CEACAM1: variants seen among roughly 807,000 people sequenced by gnomAD.
CEACAM1 encodes cell adhesion molecule CEACAM1.
Under a neutral mutation model 49.1 loss-of-function variants are expected in CEACAM1, and 31 were observed. The observed-to-expected ratio is 0.63, with a 90% confidence interval of 0.47 to 0.85. The LOEUF (loss-of-function observed/expected upper bound fraction) is 0.85. Ranked by LOEUF, CEACAM1 falls within the 40% of genes least tolerant of loss-of-function variation. CEACAM1 has a pLI of 0.00. For synonymous variants in CEACAM1, 244 were observed against 247.8 expected (o/e 0.98, Z 0.14); for missense variants, 570 against 645.3 (o/e 0.88, Z 1.26).
At chr19:42,511,355 C>T in intron 7 of CEACAM1, 2 of 596,696 alleles carry the variant, frequency 3.4e-6, no homozygotes, top group Admixed American at 6.0e-5. Context: ...TCAGGCCTGC[C>T]TGGCCTAGGC....
At chr19:42,527,996 T>A (rs2041938505) in intron 1 of CEACAM1, among the ~76,000 whole-genome samples, 1 of 152,206 alleles carries the variant, frequency 6.6e-6, no homozygotes, top group Non-Finnish European at 1.5e-5. Flanking sequence ...CAGGGCTCTG[T>A]TTAATGCCCC....
intron 5 of CEACAM1, among the ~76,000 whole-genome samples, chr19:42,516,000 A>G (rs1245991896): frequency 6.6e-6 from 1 of 152,226 alleles, no homozygotes; most frequent in African/African-American, 2.4e-5. Flanking sequence ...ATGCTAAAAA[A>G]CACTGAAACT....
chr19:42,510,988 A>G (rs1314487303), intron 7 of CEACAM1, 68 bp from the exon 8 acceptor site: 30 of 1,471,120 alleles, frequency 2.0e-5, no homozygotes, highest in Non-Finnish European at 2.8e-5. Context: ...ATTCTAGCTG[A>G]AGGAGGTGGC....
In CEACAM1 at chr19:42,510,948, T is replaced by A. The variant is rs762284761; in HGVS notation, c.1430-28A>T. 2.5e-6 allele frequency: 4 copies of A among 1,612,624 alleles called. No homozygotes were observed. In the South Asian group the frequency reaches 4.4e-5, roughly 18 times the overall value. The stretch of plus-strand genomic sequence containing the variant: ...GGAGAAGCAAAAGAAGAGTTAGCGA[T>A]CCATGGAAATGCAAAGCTGACTTCA... On this transcript the variant is annotated intron_variant, in intron 7 of 8. Transcript: ENST00000161559.
rs559808436 is a variant in CEACAM1 at position 42,508,778 on chromosome 19, T to G, written c.*331A>C. 17 of 270,154 alleles carry G rather than the reference T, an allele frequency of 6.3e-5. No individual in the cohort carries two copies. Among genetic ancestry groups the G allele is most frequent in the Non-Finnish European group, 1.1e-4 (15 of 140,530 alleles). The allele number at this position is 270,154 out of a possible 1,614,324, so 16.7% of individuals were successfully genotyped here. A position where few individuals can be genotyped will look rare whatever the true frequency, so the allele number is the denominator to read the frequency against. On this transcript the variant is annotated 3_prime_UTR_variant, in exon 9 of 9. Transcript: ENST00000161559. ...GGACAGGACTGGGGGTGGGAAGGAA[T>G]GAGTGCTCTGAACAGGCAAGTTTAA...
rs776254050 is a variant in CEACAM1, at chr19:42,519,151, C to A, written c.1043G>T (p.Cys348Phe). 2.5e-6 allele frequency: 4 copies of A among 1,614,200 alleles called. No individual in the cohort carries two copies. The highest frequency in any genetic ancestry group is 3.4e-6 in the Non-Finnish European group (4 of 1,180,034). The change falls in exon 5 of 9, where the codon TGC (cysteine) becomes TTC (phenylalanine). Residue 348 changes from cysteine (C) to phenylalanine (F), a missense_variant. Cys to Phe is a radical substitution (Grantham distance 205, BLOSUM62 -2). Transcript: ENST00000161559. ...GGAGATTCCAGTGTCATTTGTGGAG[C>A]AGGTCAGGTTCACAGAGTCCTTATC... Reference protein sequence around the residue: ...TGDKDSVNLTCSTNDTGISIR... With the variant: ...TGDKDSVNLTFSTNDTGISIR...
At chr19:42,511,113 C>T in intron 7 of CEACAM1, 193 bp from the exon 8 acceptor site, 2 of 616,072 alleles carry the variant, frequency 3.2e-6, no homozygotes, top group South Asian at 1.9e-5. Context: ...CCACAGGAGG[C>T]CACAATCCAC....
In CEACAM1 at chr19:42,521,355, A is replaced by G; in HGVS notation, c.870T>C (p.Thr290=). 1.9e-6 allele frequency: 3 copies of G among 1,614,130 alleles called. No individual in the cohort carries two copies. The highest frequency in any genetic ancestry group is 2.2e-5 in the East Asian group (1 of 44,884). ...AGGTATAGGATCCACTATTATTCAC[A>G]GTGATGTTAGGGATAAAGAGCTCTT... is the stretch of plus-strand genomic sequence containing the variant. ...STQELFIPNI[T]VNNSGSYTCH... is the part of the protein sequence containing the mutation. The change falls in exon 4 of 9, where the codon ACT becomes ACC. Residue 290 remains threonine (T), a synonymous_variant. Coordinates refer to ENST00000161559, the MANE Select transcript of CEACAM1 (RefSeq NM_001712.5).
intron 2 of CEACAM1, among the ~76,000 whole-genome samples, chr19:42,522,756 C>T (rs1032935635): frequency 6.6e-6 from 1 of 151,876 alleles, no homozygotes; most frequent in African/African-American, 2.4e-5. Flanking sequence ...AGGATGGTCA[C>T]TGTTAGCCAG....
chr19:42,516,879 C>CA (rs1199610196), intron 5 of CEACAM1: 10 of 416,832 alleles, frequency 2.4e-5, no homozygotes, highest in African/African-American at 6.5e-5. Flanking sequence ...CAAAGAAAAG[C>CA]AAAAAAACAA....
Position 42,511,408 on chromosome 19 carries a change from T to G in CEACAM1, c.1429+168A>C, listed in dbSNP as rs1248057190. On this transcript the variant is annotated intron_variant, in intron 7 of 8. Transcript: ENST00000161559. ...TCAGATGTGTCTCAGGGGACTCCTG[T>G]GGCTAGGAAGGGTGGGAAGACCTAT... 9.3e-6 allele frequency: 6 copies of G among 641,750 alleles called. No individual in the cohort carries two copies. In the Admixed American group the frequency reaches 1.6e-4, roughly 17 times the overall value. 39.8% of individuals were successfully genotyped at this position (641,750 alleles called of 1,614,324 possible). A position where few individuals can be genotyped will look rare whatever the true frequency, so the allele number is the denominator to read the frequency against.
At chr19:42,528,188 T>C (rs2041942044) in intron 1 of CEACAM1, 123 bp downstream of exon 1, 2 of 723,292 alleles carry the variant, frequency 2.8e-6, no homozygotes, top group Admixed American at 5.2e-5. Context: ...TTTCATGTCC[T>C]CTCTCCTATT....
At chr19:42,510,745 G>T in intron 8 of CEACAM1, 144 bp downstream of exon 8, 1 of 744,446 alleles carries the variant, frequency 1.3e-6, no homozygotes, top group East Asian at 2.5e-5. Flanking sequence ...GTAGACTCAT[G>T]GGAGTGATTA....
intron 5 of CEACAM1, among the ~76,000 whole-genome samples, chr19:42,517,268 A>T (rs932288805): frequency 2.0e-5 from 3 of 152,256 alleles, no homozygotes; most frequent in Admixed American, 6.5e-5. Flanking sequence ...GAATTTGGCA[A>T]TGATTTCTTG....
chr19:42,510,058 A>G (rs935217692), intron 8 of CEACAM1, among the ~76,000 whole-genome samples: 3 of 152,116 alleles, frequency 2.0e-5, no homozygotes, highest in African/African-American at 4.8e-5. Flanking sequence ...TTCAGTATGT[A>G]TGTTTGCTCT....
rs1173826664 is a variant in CEACAM1 at position 42,507,563 on chromosome 19, G to T, written c.*1546C>A. On this transcript the variant is annotated 3_prime_UTR_variant, in exon 9 of 9. Coordinates refer to ENST00000161559, the MANE Select transcript of CEACAM1 (RefSeq NM_001712.5). ...AATATAGAATAAAACCTTTCTCTTA[G>T]CCCCAAAGAGATTCCATCTGTGTAG... The T allele has an allele frequency of 6.6e-6, 1 of 152,162 alleles. No homozygotes were observed. The highest frequency in any genetic ancestry group is 1.5e-5 in the Non-Finnish European group (1 of 68,046). The allele number at this position is 152,162 out of a possible 1,614,324, so 9.4% of individuals were successfully genotyped here.
chr19:42,519,222 T>C lies in CEACAM1; in HGVS notation c.972A>G (p.Val324=). The stretch of plus-strand genomic sequence containing the variant: ...TGGCTTTGATTTGGGGCTTTGCTAC[T>C]ACTGGACTTAGCTCTGTGGACAAGC... ...KTIIVTELSP[V]VAKPQIKASK... is the part of the protein sequence containing the mutation. Residue 324 remains valine, a synonymous_variant, in exon 5 of 9, where the codon GTA becomes GTG. Coordinates refer to ENST00000161559, the MANE Select transcript of CEACAM1 (RefSeq NM_001712.5). The C allele has an allele frequency of 6.2e-7, 1 of 1,614,120 alleles. No homozygotes were observed.
chr19:42,527,504 AGTGTGTGTGTGTGTGTGTGT>A (rs3038002), intron 1 of CEACAM1, 104 bp from the exon 2 acceptor site: 17 of 715,568 alleles, frequency 2.4e-5, no homozygotes, highest in African/African-American at 5.8e-5. Flanking sequence ...TCCACCTTGG[AGTGTGTGTGTGTGTGTGTGT>A]GTGTGTGTGT....
In CEACAM1 at chr19:42,528,341, GCACT is replaced by G. The variant is rs2041946576; in HGVS notation, c.30_33del (p.Arg10SerfsTer15). 1 of 1,613,758 alleles carries G rather than the reference GCACT, an allele frequency of 6.2e-7. No homozygotes were observed. The highest frequency in any genetic ancestry group is 8.5e-7 in the Non-Finnish European group (1 of 1,179,904). Reference sequence around the variant, plus strand: ...AGCAGAAGCCCCTGCCAGGGTACACGCACTCTGTGAAGTGGGGCTGAGAGGTGCC... The same window carrying G: ...AGCAGAAGCCCCTGCCAGGGTACACGCTGTGAAGTGGGGCTGAGAGGTGCC... On this transcript the variant is annotated frameshift_variant, in exon 1 of 9. Transcript: ENST00000161559. LOFTEE classifies it high-confidence loss of function.
Sources: allele counts gnomAD v4.1 joint callset (sites outside exome capture counted in the v4.1 genomes callset), GRCh38; gene constraint gnomAD v4.1.1; transcripts MANE v1.5; gene names NCBI Gene and HGNC (gene_info 2026-07-23, HGNC 2026-07-21).